Variants in SHANK2 observed in about 807,000 individuals in gnomAD.
SHANK2 encodes the protein SH3 and multiple ankyrin repeat domains 2, also known as SH3 and multiple ankyrin repeat domains protein 2.
In SHANK2, 43 loss-of-function variants were observed where a neutral mutation model predicts 133.7. The observed-to-expected ratio is 0.32, with a 90% confidence interval of 0.25 to 0.41. The LOEUF is 0.41. Ranked by LOEUF, SHANK2 falls within the 10% of genes least tolerant of loss-of-function variation. The pLI, the probability that SHANK2 is intolerant of heterozygous loss-of-function variation, is 1.00. For missense variants in SHANK2, 1,994 were observed against 2,235.8 expected (o/e 0.89, Z 2.18); for synonymous variants, 1,017 against 952.8 (o/e 1.07, Z -1.24).
chr11:71,109,318 T>C (rs1555098619), intron 6 of SHANK2, among the ~76,000 whole-genome samples: 1 of 152,194 alleles, frequency 6.6e-6, no homozygotes, highest in Non-Finnish European at 1.5e-5. Flanking sequence ...CAGTGGGTGA[T>C]GTCTGGAGAC....
At chr11:70,936,836 C>A (rs1555083519) in intron 10 of SHANK2, among the ~76,000 whole-genome samples, 1 of 152,190 alleles carries the variant, frequency 6.6e-6, no homozygotes, top group Non-Finnish European at 1.5e-5. Context: ...CAGGAAAACA[C>A]CTCCAATGAA....
chr11:70,806,064 C>A (rs1487895606), intron 13 of SHANK2, among the ~76,000 whole-genome samples: 1 of 152,220 alleles, frequency 6.6e-6, no homozygotes, highest in African/African-American at 2.4e-5. Context: ...GAGAAAGGAA[C>A]TGAGTCAATT....
At chr11:70,558,537 G>A (rs1161248140) in intron 17 of SHANK2, among the ~76,000 whole-genome samples, 1 of 152,200 alleles carries the variant, frequency 6.6e-6, no homozygotes, top group Non-Finnish European at 1.5e-5. Flanking sequence ...TTAGACAAGT[G>A]GCTTACCTCT....
At chr11:70,579,321 T>A (rs565460082) in intron 17 of SHANK2, among the ~76,000 whole-genome samples, 7 of 152,264 alleles carry the variant, frequency 4.6e-5, no homozygotes, top group Non-Finnish European at 8.8e-5. Flanking sequence ...CATAGGAGCA[T>A]GAAGTGTCCC....
At chr11:71,073,029 T>G (rs2135973790) in intron 9 of SHANK2, among the ~76,000 whole-genome samples, 1 of 152,180 alleles carries the variant, frequency 6.6e-6, no homozygotes, top group South Asian at 2.1e-4. Flanking sequence ...TTAAAAGTGG[T>G]TAAAATGGCC....
intron 22 of SHANK2, among the ~76,000 whole-genome samples, chr11:70,490,935 CTTA>C (rs1166549580): frequency 6.6e-6 from 1 of 152,224 alleles, no homozygotes; most frequent in East Asian, 1.9e-4. Flanking sequence ...TGCCAGCTAG[CTTA>C]AGCAAGCCCT....
chr11:71,209,450 C>A (rs1954204738), intron 2 of SHANK2, among the ~76,000 whole-genome samples: 2 of 152,190 alleles, frequency 1.3e-5, no homozygotes, highest in African/African-American at 4.8e-5. Context: ...GGGGGTCAGG[C>A]TTCCCTGTCC....
At chr11:70,829,553 C>T (rs1311228760) in intron 11 of SHANK2, among the ~76,000 whole-genome samples, 10 of 152,106 alleles carry the variant, frequency 6.6e-5, no homozygotes, top group Admixed American at 1.3e-4. Flanking sequence ...TGGGGGCATG[C>T]GCAGAAGACA....
chr11:70,937,697 T>C (rs1950590760), intron 10 of SHANK2, among the ~76,000 whole-genome samples: 1 of 152,066 alleles, frequency 6.6e-6, no homozygotes, highest in South Asian at 2.1e-4. Flanking sequence ...TTTTTTTTTT[T>C]CTTGAGGGGC....
Position 70,609,720 on chromosome 11 carries a change from T to TATATACATGTACTATATTGC in SHANK2, c.2061+50107_2061+50108insGCAATATAGTACATGTATAT, listed in dbSNP as rs2060630995. Among the ~76,000 whole-genome samples, 2 of 27,148 alleles carry TATATACATGTACTATATTGC rather than the reference T, an allele frequency of 7.4e-5. 1 individual carries two copies. Among genetic ancestry groups the TATATACATGTACTATATTGC allele is most frequent in the Non-Finnish European group, 1.9e-4 (2 of 10,760 alleles). 17.8% of individuals were successfully genotyped at this position (27,148 alleles called of 152,430 possible). On this transcript the variant is annotated intron_variant, in intron 17 of 25. Transcript: ENST00000601538. The stretch of plus-strand genomic sequence containing the variant: ...TATTGTATATTCATATACTATATTG[T>TATATACATGTACTATATTGC]ATATTGTATATACATGTACTATATT...
intron 14 of SHANK2, among the ~76,000 whole-genome samples, chr11:70,709,394 C>T (rs1555025656): frequency 6.6e-6 from 1 of 152,190 alleles, no homozygotes; most frequent in African/African-American, 2.4e-5. Flanking sequence ...AGGACCTTAG[C>T]TAATGCTGGC....
intron 11 of SHANK2, among the ~76,000 whole-genome samples, chr11:70,836,273 G>A (rs782697075): frequency 1.5e-4 from 23 of 152,342 alleles, no homozygotes; most frequent in Non-Finnish European, 1.3e-4. Flanking sequence ...CTGCCACTGG[G>A]CACAGAGGGA....
chr11:71,064,050 T>C (rs1951017870), intron 9 of SHANK2, among the ~76,000 whole-genome samples: 1 of 151,762 alleles, frequency 6.6e-6, no homozygotes, highest in African/African-American at 2.4e-5. Context: ...CAGTTCCCAC[T>C]GGCTGCTGGA....
intron 10 of SHANK2, among the ~76,000 whole-genome samples, chr11:70,927,956 T>G (rs1950451509): frequency 6.6e-6 from 1 of 152,180 alleles, no homozygotes; most frequent in Non-Finnish European, 1.5e-5. Flanking sequence ...ACCACCAGCT[T>G]TCCCAGGTCT....
At chr11:71,236,911 T>C (rs1392867994) in intron 1 of SHANK2, among the ~76,000 whole-genome samples, 1 of 152,240 alleles carries the variant, frequency 6.6e-6, no homozygotes, top group East Asian at 1.9e-4. Context: ...GAGGTCTTTC[T>C]GTGCCCAGAG....
At chr11:70,848,126 A>C (rs1555064168) in intron 11 of SHANK2, among the ~76,000 whole-genome samples, 1 of 152,238 alleles carries the variant, frequency 6.6e-6, no homozygotes, top group Non-Finnish European at 1.5e-5. Flanking sequence ...CAGAAGACGA[A>C]AGGCCCTCTC....
intron 2 of SHANK2, among the ~76,000 whole-genome samples, chr11:71,216,523 A>G (rs1360442045): frequency 6.6e-6 from 1 of 151,828 alleles, no homozygotes; most frequent in Non-Finnish European, 1.5e-5. Context: ...TTTGGGGGGG[A>G]ATATAAAAAA....
In SHANK2 at chr11:70,882,059, G is replaced by A. The variant is rs368800790; in HGVS notation, c.1174+14442C>T. Among the ~76,000 whole-genome samples, 45 of 152,178 alleles carry A rather than the reference G, an allele frequency of 3.0e-4. No homozygotes were observed. The highest frequency in any genetic ancestry group is 9.6e-4 in the African/African-American group (40 of 41,522). On this transcript the variant is annotated intron_variant, in intron 11 of 25. Coordinates refer to ENST00000601538, the MANE Select transcript of SHANK2 (RefSeq NM_012309.5). This position sits in a 1 kb window ranked among gnomAD's most constrained non-coding sequence, Gnocchi z 4.2. ...GGAAGGGAACCCTTGCTAGAGAGGC[G>A]GAAAACATCAGTGTGAATTCCCCAA...
chr11:70,676,697 C>T (rs561374663), intron 15 of SHANK2, among the ~76,000 whole-genome samples: 15 of 152,250 alleles, frequency 9.9e-5, no homozygotes, highest in Admixed American at 4.6e-4. Flanking sequence ...TTAGAAGATA[C>T]GGGCAAAACA....
Sources: gnomAD v4.1 joint callset for allele counts (sites outside exome capture counted in the v4.1 genomes callset) on GRCh38, gnomAD v4.1.1 for gene constraint, Gnocchi (gnomAD v3.1) non-coding constraint, MANE v1.5 for transcripts, NCBI Gene and HGNC (gene_info 2026-07-23, HGNC 2026-07-21) for gene names.